The following PCDH15 variants were observed in gnomAD, a reference collection of about 807,000 sequenced individuals.
The protein encoded by PCDH15 is protocadherin related 15.
PCDH15 carries 129 observed loss-of-function variants against 178.5 expected under a neutral mutation model. The ratio of observed to expected loss-of-function variants is 0.72; its 90% CI spans 0.63 to 0.84. The LOEUF (loss-of-function observed/expected upper bound fraction) is 0.84. PCDH15 is among the 40% of genes least tolerant of loss of function. PCDH15 has a pLI of 0.00. For synonymous variants in PCDH15, 800 were observed against 732.0 expected (o/e 1.09, Z -1.50); for missense variants, 2,230 against 2,099.9 (o/e 1.06, Z -1.21).
intron 15 of PCDH15, among the ~76,000 whole-genome samples, chr10:54,090,460 T>C (rs1161812717): frequency 1.3e-5 from 2 of 152,026 alleles, no homozygotes; most frequent in African/African-American, 2.4e-5. Flanking sequence ...CTGGCCAACA[T>C]GGTGAAATCC....
At chr10:54,296,109 C>T (rs1187952208) in intron 8 of PCDH15, among the ~76,000 whole-genome samples, 2 of 134,166 alleles carry the variant, frequency 1.5e-5, no homozygotes, top group Non-Finnish European at 3.1e-5. Context: ...CCCGCCACTG[C>T]ACTCCAGCCT....
chr10:55,443,603 A>T (rs765816601), intron 2 of PCDH15, among the ~76,000 whole-genome samples: 2 of 152,192 alleles, frequency 1.3e-5, no homozygotes, highest in Non-Finnish European at 2.9e-5. Flanking sequence ...TGCTCCATTT[A>T]GAATGGTGAT....
At chr10:55,517,711 G>A (rs922642942) in intron 2 of PCDH15, among the ~76,000 whole-genome samples, 1 of 151,996 alleles carries the variant, frequency 6.6e-6, no homozygotes, top group Non-Finnish European at 1.5e-5. Context: ...GATGTTTATC[G>A]CAGCTTATTT....
At chr10:55,462,574 T>A (rs1489334652) in intron 2 of PCDH15, among the ~76,000 whole-genome samples, 1 of 151,082 alleles carries the variant, frequency 6.6e-6, no homozygotes, top group East Asian at 1.9e-4. Flanking sequence ...CTAAACAGTA[T>A]GAATCCAAAG....
intron 2 of PCDH15, among the ~76,000 whole-genome samples, chr10:55,352,893 T>G (rs1844975891): frequency 6.6e-6 from 1 of 152,148 alleles, no homozygotes; most frequent in Non-Finnish European, 1.5e-5. Context: ...TACGGCTTTC[T>G]TAATCCAGGC....
At chr10:55,086,221 T>G (rs1007142735) in intron 2 of PCDH15, among the ~76,000 whole-genome samples, 5 of 152,000 alleles carry the variant, frequency 3.3e-5, no homozygotes, top group Admixed American at 1.3e-4. Context: ...AGTACTTCAT[T>G]GTAATCACTC....
intron 28 of PCDH15, among the ~76,000 whole-genome samples, chr10:53,841,834 T>C (rs998021321): frequency 6.6e-6 from 1 of 151,732 alleles, no homozygotes; most frequent in Non-Finnish European, 1.5e-5. Flanking sequence ...AATAGTTGAA[T>C]GCCTGCAATT....
chr10:55,495,363 C>A (rs905650711), intron 2 of PCDH15, among the ~76,000 whole-genome samples: 1 of 151,612 alleles, frequency 6.6e-6, no homozygotes, highest in Non-Finnish European at 1.5e-5. Context: ...TGCCTTAAAT[C>A]TGATAAGGGA....
intron 27 of PCDH15, among the ~76,000 whole-genome samples, chr10:53,861,596 C>A (rs2133093420): frequency 6.6e-6 from 1 of 152,098 alleles, no homozygotes; most frequent in Admixed American, 6.5e-5. Context: ...TTTCTGGCAC[C>A]CACATTAGAA....
rs1843737034 is a variant in PCDH15 at position 55,316,970 on chromosome 10, A to G, written c.-156+2629T>C. ...ATTCTAAATCTCAACGTTTCTAAAC[A>G]GAATTTAGCATCTTTACCCATATAA... On this transcript the variant is annotated intron_variant, in intron 1 of 5. Coordinates refer to the PCDH15 transcript ENST00000458638. Among the ~76,000 whole-genome samples, 3 of 152,280 alleles carry G rather than the reference A, an allele frequency of 2.0e-5. No individual in the cohort carries two copies. In the South Asian group the frequency reaches 6.2e-4, roughly 32 times the overall value.
chr10:54,858,339 C>T (rs758288867), intron 3 of PCDH15, among the ~76,000 whole-genome samples: 5 of 152,060 alleles, frequency 3.3e-5, no homozygotes, highest in Non-Finnish European at 7.4e-5. Context: ...GATTCCACGT[C>T]GCTGCTATTG....
At chr10:54,710,033 C>T (rs1446351820) in intron 1 of PCDH15, among the ~76,000 whole-genome samples, 1 of 150,564 alleles carries the variant, frequency 6.6e-6, no homozygotes, top group Non-Finnish European at 1.5e-5. Flanking sequence ...TTAGATGTGT[C>T]CTGCATATAT....
chr10:55,139,979 GTA>G (rs1382576219), intron 2 of PCDH15, among the ~76,000 whole-genome samples: 2 of 151,772 alleles, frequency 1.3e-5, no homozygotes, highest in African/African-American at 4.8e-5. Context: ...TAGTAATCCT[GTA>G]TATGTTTTGC....
intron 3 of PCDH15, among the ~76,000 whole-genome samples, chr10:54,392,829 G>A (rs1363999805): frequency 6.6e-6 from 1 of 150,742 alleles, no homozygotes; most frequent in Non-Finnish European, 1.5e-5. Context: ...AACCCTGGAA[G>A]TGGAGGTTGT....
intron 1 of PCDH15, among the ~76,000 whole-genome samples, chr10:55,206,636 T>C (rs1471921926): frequency 6.6e-6 from 1 of 152,124 alleles, no homozygotes; most frequent in Non-Finnish European, 1.5e-5. Flanking sequence ...TATAAGTGCA[T>C]TTAAAACTTA....
intron 3 of PCDH15, among the ~76,000 whole-genome samples, chr10:54,505,975 T>C (rs1479144691): frequency 6.6e-6 from 1 of 152,118 alleles, no homozygotes; most frequent in Non-Finnish European, 1.5e-5. Flanking sequence ...GTTATAACAA[T>C]TACTTAAAAA....
intron 2 of PCDH15, among the ~76,000 whole-genome samples, chr10:54,901,021 T>C (rs1214038025): frequency 6.6e-6 from 1 of 152,092 alleles, no homozygotes; most frequent in African/African-American, 2.4e-5. Flanking sequence ...AATATTAAAA[T>C]AGAACAAAGC....
chr10:55,195,486 C>CAAAAAAAAAA (rs34476628), intron 1 of PCDH15, among the ~76,000 whole-genome samples: 10 of 115,196 alleles, frequency 8.7e-5, no homozygotes, highest in African/African-American at 2.1e-4. Context: ...ACTAAAAATA[C>CAAAAAAAAAA]AAAAAAAAAA....
At position 54,635,070 on chromosome 10, in the gene PCDH15, A is replaced by G. The variant is rs145284882; in HGVS notation, c.91+29102T>C. On this transcript the variant is annotated intron_variant, in intron 2 of 37. Transcript: ENST00000644397. ...TTAATTACCTTCCTGAATTTTGATT[A>G]TTTTTTCCTTGCTTTAAACAGATCA... is the stretch of plus-strand genomic sequence containing the variant. 3.1e-3 allele frequency among the ~76,000 whole-genome samples: 472 copies of G among 151,400 alleles called. 6 individuals carry two copies. The highest frequency in any genetic ancestry group is 0.011 in the African/African-American group (448 of 41,422).
Sources: allele counts gnomAD v4.1 joint callset (sites outside exome capture counted in the v4.1 genomes callset), GRCh38; gene constraint gnomAD v4.1.1; transcripts MANE v1.5; gene names NCBI Gene and HGNC (gene_info 2026-07-23, HGNC 2026-07-21).